GAPVD1: variants seen among roughly 807,000 people sequenced by gnomAD.
The protein encoded by GAPVD1 is GTPase activating protein and VPS9 domains 1, also known as GTPase-activating protein and VPS9 domain-containing protein 1.
Under a neutral mutation model 155.5 loss-of-function variants are expected in GAPVD1, and 35 were observed. The observed-to-expected ratio is 0.23, with a 90% confidence interval of 0.17 to 0.30. The LOEUF (loss-of-function observed/expected upper bound fraction) is 0.30. Ranked by LOEUF, GAPVD1 falls within the 10% of genes least tolerant of loss-of-function variation. The probability of loss-of-function intolerance (pLI) is 1.00; values close to 1 mark genes in which losing one functional copy is unlikely to be tolerated. For missense variants in GAPVD1, 1,429 were observed against 1,775.7 expected, an observed-to-expected ratio of 0.80 and a Z score of 3.51; for synonymous variants, 636 against 619.7, an observed-to-expected ratio of 1.03 and a Z score of -0.39.
intron 1 of GAPVD1, among the ~76,000 whole-genome samples, chr9:125,267,966 C>T (rs931616632): frequency 6.6e-6 from 1 of 151,924 alleles, no homozygotes; most frequent in Non-Finnish European, 1.5e-5. Context: ...AGTTTGAGAC[C>T]AGCCTGGCCG....
intron 2 of GAPVD1, among the ~76,000 whole-genome samples, chr9:125,272,737 A>G (rs751307946): frequency 7.2e-5 from 11 of 152,328 alleles, no homozygotes; most frequent in Non-Finnish European, 1.3e-4. Context: ...TAATGATGGT[A>G]ACGCTGTTTG....
intron 2 of GAPVD1, among the ~76,000 whole-genome samples, chr9:125,281,518 A>G (rs1836782518): frequency 2.6e-5 from 4 of 152,174 alleles, no homozygotes; most frequent in Admixed American, 2.6e-4. Flanking sequence ...GACAGCATCA[A>G]GATCAATTCT....
At position 125,346,796 on chromosome 9, in the gene GAPVD1, TCTCA is replaced by T; in HGVS notation, c.3047-19_3047-16del. The T allele has an allele frequency of 6.2e-7, 1 of 1,606,000 alleles. No individual in the cohort carries two copies. Among genetic ancestry groups the T allele is most frequent in the South Asian group, 1.1e-5 (1 of 90,866 alleles). The stretch of plus-strand genomic sequence containing the variant: ...TGGTACAAACCCAAGGGGCTAATTC[TCTCA>T]CTCTCCTTTCCCTTGCAGATGATCC... On this transcript the variant is annotated intron_variant, in intron 19 of 27. Coordinates refer to ENST00000297933, the MANE Select transcript of GAPVD1 (RefSeq NM_001282680.3).
At chr9:125,338,980 T>G (rs1404214749) in intron 17 of GAPVD1, among the ~76,000 whole-genome samples, 1 of 151,578 alleles carries the variant, frequency 6.6e-6, no homozygotes, top group East Asian at 1.9e-4. Context: ...TTGTTGTTGT[T>G]GTGGTTTGTT....
chr9:125,335,551 C>T (rs532884196), intron 15 of GAPVD1, among the ~76,000 whole-genome samples: 1 of 151,882 alleles, frequency 6.6e-6, no homozygotes, highest in East Asian at 2.0e-4. Flanking sequence ...GTGGCGTGTG[C>T]CTGTAATGCC....
At chr9:125,283,028 TTTTA>T (rs10649964) in intron 2 of GAPVD1, among the ~76,000 whole-genome samples, 2,045 of 143,360 alleles carry the variant, frequency 0.014, 23 homozygotes, top group African/African-American at 0.03. Flanking sequence ...TTATTTTTAT[TTTTA>T]TTTATTTATT....
At chr9:125,293,874 A>T (rs1390862736) in intron 2 of GAPVD1, among the ~76,000 whole-genome samples, 666 of 15,036 alleles carry the variant, frequency 0.044, 38 homozygotes, top group African/African-American at 0.21. Context: ...ATATATATAT[A>T]TATATATATA....
Position 125,359,456 on chromosome 9 carries a change from A to T in GAPVD1, c.4008A>T (p.Val1336=). ...AACATATCCAGAGATTGTCTAAAGT[A>T]GTGACTGCAAATCACAGAGCTCTTC... ...LHEHIQRLSK[V]VTANHRALQI... The change falls in exon 26 of 28, where the codon GTA becomes GTT. Residue 1336 remains valine (V), a synonymous_variant. Transcript: ENST00000297933. 1 of 1,596,338 alleles carries T rather than the reference A, an allele frequency of 6.3e-7. No individual in the cohort carries two copies. The highest frequency in any genetic ancestry group is 8.6e-7 in the Non-Finnish European group (1 of 1,164,258).
At position 125,307,812 on chromosome 9, in the gene GAPVD1, C is replaced by T. The variant is rs1292923745; in HGVS notation, c.1373C>T (p.Thr458Ile). The change falls in exon 8 of 28, where the codon ACT (threonine) becomes ATT (isoleucine). Residue 458 changes from threonine to isoleucine, a missense_variant. Coordinates refer to ENST00000297933, the MANE Select transcript of GAPVD1 (RefSeq NM_001282680.3). ...KPGKSSSLEM[T>I]PYNTPQLSPA... ...GGAAAAAGTAGCAGTTTAGAAATGACTCCCTACAATACACCTCAGCTATCT... is the reference window on the plus strand; with the variant it reads ...GGAAAAAGTAGCAGTTTAGAAATGATTCCCTACAATACACCTCAGCTATCT... 6.2e-7 allele frequency: 1 copy of T among 1,613,286 alleles called. No individual in the cohort carries two copies. The highest frequency in any genetic ancestry group is 1.3e-5 in the African/African-American group (1 of 74,908).
At chr9:125,293,680 T>TATATATTATATATATAATATAAAAATAC (rs1839045712) in intron 2 of GAPVD1, among the ~76,000 whole-genome samples, 1 of 127,656 alleles carries the variant, frequency 7.8e-6, no homozygotes, top group Non-Finnish European at 1.6e-5. Flanking sequence ...TATAAAAATA[T>TATATATTATATATATAATATAAAAATAC]ATATATTATA....
chr9:125,336,953 T>C lies in GAPVD1; in HGVS notation c.2429-65T>C, dbSNP rs1847113142. On this transcript the variant is annotated intron_variant, in intron 15 of 27. Coordinates refer to ENST00000297933, the MANE Select transcript of GAPVD1 (RefSeq NM_001282680.3). ...CCGTCAAAGAATACTTAAAACCCTTTAAACTGTGTTGAGACCGTCTGTCCT... is the reference window on the plus strand; with the variant it reads ...CCGTCAAAGAATACTTAAAACCCTTCAAACTGTGTTGAGACCGTCTGTCCT... 5.6e-6 allele frequency: 5 copies of C among 900,268 alleles called. No individual in the cohort carries two copies. In the South Asian group the frequency reaches 6.9e-5, roughly 12 times the overall value. The allele number at this position is 900,268 out of a possible 1,614,324, so 55.8% of individuals were successfully genotyped here. A position where few individuals can be genotyped will look rare whatever the true frequency, so the allele number is the denominator to read the frequency against.
In GAPVD1 at chr9:125,323,860, C is replaced by A. The variant is rs1844757725; in HGVS notation, c.1795C>A (p.Leu599Ile). The change falls in exon 11 of 28, where the codon CTT becomes ATT. Residue 599 changes from leucine to isoleucine, a missense_variant. Physicochemically the swap from Leu to Ile is conservative, Grantham distance 5. Around this residue, in one of 4 missense-constraint regions of GAPVD1, gnomAD observed 628 missense variants for 733.4 expected, o/e 0.86. Transcript: ENST00000297933. ...CCTAGAAGGAGAGTCTGTGTCAGAA[C>A]TTGGAGCAGGACCTTCTGGCAGTAA... ...LDLEGESVSELGAGPSGSNGV... is the reference protein window; with the variant it reads ...LDLEGESVSEIGAGPSGSNGV... 3 of 1,613,116 alleles carry A rather than the reference C, an allele frequency of 1.9e-6. No homozygotes were observed. Among genetic ancestry groups the A allele is most frequent in the South Asian group, 1.1e-5 (1 of 91,072 alleles).
At chr9:125,299,874 C>T (rs1223292433) in intron 4 of GAPVD1, among the ~76,000 whole-genome samples, 2 of 143,600 alleles carry the variant, frequency 1.4e-5, no homozygotes, top group Admixed American at 7.1e-5. Flanking sequence ...CAAAAATTAG[C>T]GGGGCATGGT....
At chr9:125,291,999 T>G (rs1838681439) in intron 2 of GAPVD1, among the ~76,000 whole-genome samples, 1 of 151,968 alleles carries the variant, frequency 6.6e-6, no homozygotes, top group Non-Finnish European at 1.5e-5. Context: ...CCCAGCACTT[T>G]AGGAGGCTGA....
intron 2 of GAPVD1, among the ~76,000 whole-genome samples, chr9:125,294,105 G>A (rs1839434754): frequency 6.6e-6 from 1 of 150,868 alleles, no homozygotes; most frequent in Non-Finnish European, 1.5e-5. Flanking sequence ...GTGGAGATAG[G>A]GTTTCACCAT....
intron 2 of GAPVD1, among the ~76,000 whole-genome samples, chr9:125,294,822 T>G (rs1014016218): frequency 6.6e-6 from 1 of 152,088 alleles, no homozygotes. Context: ...TTTTGTGTGG[T>G]ATTTGGGTGT....
chr9:125,338,061 A>T (rs1847288976), intron 17 of GAPVD1, among the ~76,000 whole-genome samples: 1 of 152,156 alleles, frequency 6.6e-6, no homozygotes, highest in Non-Finnish European at 1.5e-5. Context: ...ATTTTATTAG[A>T]GACGGGGTTT....
At chr9:125,336,929 C>A in intron 15 of GAPVD1, 89 bp from the exon 16 acceptor site, 1 of 713,956 alleles carries the variant, frequency 1.4e-6, no homozygotes, top group South Asian at 1.7e-5. Flanking sequence ...AAAAAGGAAC[C>A]GTCAAAGAAT....
chr9:125,350,477 C>A, intron 22 of GAPVD1, 73 bp downstream of exon 22: 1 of 951,430 alleles, frequency 1.1e-6, no homozygotes, highest in Non-Finnish European at 1.7e-6. Context: ...CAGTATTCAG[C>A]TGTTGAAGCT....
Sources: allele counts gnomAD v4.1 joint callset (sites outside exome capture counted in the v4.1 genomes callset), GRCh38; gene constraint gnomAD v4.1.1; regional missense constraint gnomAD v4.1.1; transcripts MANE v1.5; gene names NCBI Gene and HGNC (gene_info 2026-07-23, HGNC 2026-07-21).